The following WFDC3 variants were observed in gnomAD, a reference collection of about 807,000 sequenced individuals.
The protein encoded by WFDC3 is WAP four-disulfide core domain 3, also known as WAP four-disulfide core domain protein 3.
WFDC3 carries 15 observed loss-of-function variants against 25.8 expected under a neutral mutation model. The ratio of observed to expected loss-of-function variants is 0.58; its 90% CI spans 0.39 to 0.89. WFDC3 has a LOEUF of 0.89. Among genes scored for constraint, WFDC3 ranks in the 40% least tolerant of loss-of-function variants. The probability of loss-of-function intolerance (pLI) is 0.00; values close to 1 mark genes in which losing one functional copy is unlikely to be tolerated. For missense variants in WFDC3, 264 were observed against 289.8 expected (o/e 0.91, Z 0.65); for synonymous variants, 103 against 107.1 (o/e 0.96, Z 0.24).
At chr20:45,783,170 A>G (rs576836751) in intron 4 of WFDC3, among the ~76,000 whole-genome samples, 1 of 152,314 alleles carries the variant, frequency 6.6e-6, no homozygotes, top group Non-Finnish European at 1.5e-5. Context: ...TATACAGTGA[A>G]TACATGAATA....
intron 4 of WFDC3, among the ~76,000 whole-genome samples, chr20:45,780,085 T>C (rs977233231): frequency 7.5e-6 from 1 of 134,026 alleles, no homozygotes; most frequent in Admixed American, 7.4e-5. Context: ...TTTTTTTTTT[T>C]TGAGACAGGG....
At chr20:45,787,085 C>T (rs1372384603) in intron 4 of WFDC3, among the ~76,000 whole-genome samples, 1 of 107,376 alleles carries the variant, frequency 9.3e-6, no homozygotes, top group Non-Finnish European at 1.8e-5. Flanking sequence ...CAGAGCAAGA[C>T]TCTCTCTCAA....
chr20:45,788,004 C>A (rs1291991005), intron 3 of WFDC3, 22 bp from the exon 4 acceptor site: 1 of 1,606,558 alleles, frequency 6.2e-7, no homozygotes, highest in Non-Finnish European at 8.5e-7. Flanking sequence ...AGGGAGACAG[C>A]AAAGAAAAGA....
At chr20:45,790,120 A>G (rs1980886616) in intron 1 of WFDC3, 138 bp from the exon 2 acceptor site, 2 of 599,836 alleles carry the variant, frequency 3.3e-6, no homozygotes, top group Non-Finnish European at 5.9e-6. Context: ...CCCCAAGAAT[A>G]TCTTCTCCTG....
intron 4 of WFDC3, among the ~76,000 whole-genome samples, chr20:45,787,552 A>G (rs1027414713): frequency 1.3e-5 from 2 of 151,802 alleles, no homozygotes; most frequent in Non-Finnish European, 2.9e-5. Context: ...TGGCCTCCCA[A>G]AGTGCTGGGA....
In WFDC3 at chr20:45,774,245, C is replaced by T. The variant is rs1980031795; in HGVS notation, c.*183G>A. ...CAGCCTTTATCGGGAAAGAGAAGCA[C>T]CACACACCCACTACCCAATCCAGGG... On this transcript the variant is annotated 3_prime_UTR_variant, in exon 7 of 7. Coordinates refer to ENST00000243938, the MANE Select transcript of WFDC3 (RefSeq NM_080614.2). 2 of 754,142 alleles carry T rather than the reference C, an allele frequency of 2.7e-6. No homozygotes were observed. Among genetic ancestry groups the T allele is most frequent in the African/African-American group, 1.8e-5 (1 of 56,874 alleles). 46.7% of individuals were successfully genotyped at this position (754,142 alleles called of 1,614,324 possible). A position where few individuals can be genotyped will look rare whatever the true frequency, so the allele number is the denominator to read the frequency against.
intron 4 of WFDC3, among the ~76,000 whole-genome samples, chr20:45,780,816 C>T (rs1980408211): frequency 6.6e-6 from 1 of 152,196 alleles, no homozygotes; most frequent in African/African-American, 2.4e-5. Context: ...GCCCTCTGAG[C>T]TAACAAACTT....
chr20:45,788,696 G>T, intron 3 of WFDC3: 1 of 420,772 alleles, frequency 2.4e-6, no homozygotes, highest in South Asian at 4.7e-5. Context: ...CAGGAACTTT[G>T]AGTCCAAAGT....
At chr20:45,791,698 T>C in intron 1 of WFDC3, 134 bp downstream of exon 1, 1 of 279,882 alleles carries the variant, frequency 3.6e-6, no homozygotes, top group Non-Finnish European at 6.6e-6. Context: ...ACTGGTCCCT[T>C]CCTCCTACCC....
rs557226664 is a variant in WFDC3 at position 45,780,142 on chromosome 20, T to A, written c.359-2933A>T. On this transcript the variant is annotated intron_variant, in intron 4 of 6. Coordinates refer to ENST00000243938, the MANE Select transcript of WFDC3 (RefSeq NM_080614.2). ...GGGGTGCAGTGCCGCAATGGTGGCTTACTGCAGCCTCAAACTCTTGAACTC... is the reference window on the plus strand; with the variant it reads ...GGGGTGCAGTGCCGCAATGGTGGCTAACTGCAGCCTCAAACTCTTGAACTC... 2.7e-5 allele frequency among the ~76,000 whole-genome samples: 4 copies of A among 150,184 alleles called. No homozygotes were observed. The Admixed American group carries it at 2.7e-4, about 10-fold the overall frequency.
Position 45,774,220 on chromosome 20 carries a change from C to T in WFDC3, c.*208G>A. ...AATAGCACAAACAAGAGGTCAGCAC[C>T]AGCCTTTATCGGGAAAGAGAAGCAC... is the stretch of plus-strand genomic sequence containing the variant. On this transcript the variant is annotated 3_prime_UTR_variant, in exon 7 of 7. Coordinates refer to ENST00000243938, the MANE Select transcript of WFDC3 (RefSeq NM_080614.2). The T allele has an allele frequency of 1.5e-6, 1 of 645,660 alleles. No homozygotes were observed. The highest frequency in any genetic ancestry group is 1.9e-5 in the South Asian group (1 of 52,572). The allele number at this position is 645,660 out of a possible 1,614,324, so 40.0% of individuals were successfully genotyped here. A position where few individuals can be genotyped will look rare whatever the true frequency, so the allele number is the denominator to read the frequency against.
At chr20:45,780,397 AC>A (rs1980391111) in intron 4 of WFDC3, among the ~76,000 whole-genome samples, 1 of 151,964 alleles carries the variant, frequency 6.6e-6, no homozygotes, top group South Asian at 2.1e-4. Context: ...CTTTATACTG[AC>A]CTGAAATCTG....
At chr20:45,777,325 A>T in intron 4 of WFDC3, 116 bp from the exon 5 acceptor site, 1 of 1,089,384 alleles carries the variant, frequency 9.2e-7, no homozygotes, top group African/African-American at 1.6e-5. Context: ...TATAATGTAA[A>T]TATTTATGTG....
intron 1 of WFDC3, among the ~76,000 whole-genome samples, chr20:45,791,247 G>A (rs977947040): frequency 5.6e-5 from 7 of 126,104 alleles, no homozygotes; most frequent in Non-Finnish European, 1.1e-4. Context: ...GCAGTGGCGC[G>A]ATCTCGGCAT....
chr20:45,791,056 C>A, intron 1 of WFDC3: 1 of 436,220 alleles, frequency 2.3e-6, no homozygotes, highest in South Asian at 1.6e-5. Context: ...CAAGGTAAAA[C>A]CTCCTTAATA....
At chr20:45,787,560 G>A (rs1332110262) in intron 4 of WFDC3, among the ~76,000 whole-genome samples, 1 of 151,922 alleles carries the variant, frequency 6.6e-6, no homozygotes, top group East Asian at 1.9e-4. Flanking sequence ...CAAAGTGCTG[G>A]GATTCCAGGC....
chr20:45,776,533 G>T (rs1331854819), intron 5 of WFDC3, among the ~76,000 whole-genome samples: 1 of 145,164 alleles, frequency 6.9e-6, no homozygotes, highest in African/African-American at 2.6e-5. Flanking sequence ...CAGAGGCAGA[G>T]GTTTCAGTGA....
At chr20:45,777,551 C>T (rs1170553820) in intron 4 of WFDC3, among the ~76,000 whole-genome samples, 4 of 152,114 alleles carry the variant, frequency 2.6e-5, no homozygotes, top group African/African-American at 9.7e-5. Flanking sequence ...CAGGGTCTCA[C>T]TGTATCACCC....
At chr20:45,777,405 C>T (rs1853783863) in intron 4 of WFDC3, among the ~76,000 whole-genome samples, 196 bp from the exon 5 acceptor site, 1 of 152,164 alleles carries the variant, frequency 6.6e-6, no homozygotes, top group Non-Finnish European at 1.5e-5. Flanking sequence ...GGCCAAAGTG[C>T]AGTGGCATAA....
Sources: gnomAD v4.1 joint callset for allele counts (sites outside exome capture counted in the v4.1 genomes callset) on GRCh38, gnomAD v4.1.1 for gene constraint, MANE v1.5 for transcripts, NCBI Gene and HGNC (gene_info 2026-07-23, HGNC 2026-07-21) for gene names.